The following WWOX variants were observed in gnomAD, a reference collection of about 807,000 sequenced individuals.
WWOX encodes WW domain-containing oxidoreductase.
Under a neutral mutation model 46.2 loss-of-function variants are expected in WWOX, and 69 were observed. That is an observed-to-expected ratio of 1.49 (90% confidence interval 1.23 to 1.82). The LOEUF (loss-of-function observed/expected upper bound fraction) is 1.82, where lower values mean the gene tolerates loss of function less well. WWOX is among the 40% of genes most tolerant of loss of function. WWOX has a pLI of 0.00. For missense variants in WWOX, 919 were observed against 542.6 expected, an observed-to-expected ratio of 1.69 and a Z score of -6.89; for synonymous variants, 359 against 202.6, an observed-to-expected ratio of 1.77 and a Z score of -6.56.
rs962060179 is a variant in WWOX at position 78,565,257 on chromosome 16, A to C, written c.1056+132505A>C. 4.0e-4 allele frequency among the ~76,000 whole-genome samples: 61 copies of C among 152,246 alleles called. 1 individual carries two copies. Among genetic ancestry groups the C allele is most frequent in the African/African-American group, 1.4e-3 (59 of 41,462 alleles). ...ACCAAAAACGTACTGGCTTTAAACAACACATGCTTATCATGTTGCAGTTCT... is the reference window on the plus strand; with the variant it reads ...ACCAAAAACGTACTGGCTTTAAACACCACATGCTTATCATGTTGCAGTTCT... On this transcript the variant is annotated intron_variant, in intron 8 of 8. Coordinates refer to ENST00000566780, the MANE Select transcript of WWOX (RefSeq NM_016373.4).
intron 5 of WWOX, among the ~76,000 whole-genome samples, chr16:78,319,661 G>C (rs1003641903): frequency 6.6e-6 from 1 of 152,136 alleles, no homozygotes; most frequent in East Asian, 1.9e-4. Flanking sequence ...GTGTCACATA[G>C]CAATGGAAAA....
intron 8 of WWOX, among the ~76,000 whole-genome samples, chr16:78,973,478 T>C (rs75594664): frequency 6.6e-6 from 1 of 152,236 alleles, no homozygotes; most frequent in Non-Finnish European, 1.5e-5. Context: ...TATCTGCTGA[T>C]TTCTTCAAAC....
At chr16:78,550,151 C>T (rs1402698211) in intron 8 of WWOX, among the ~76,000 whole-genome samples, 2 of 152,164 alleles carry the variant, frequency 1.3e-5, no homozygotes, top group East Asian at 1.9e-4. Context: ...CTTCACTAAA[C>T]CCAAATTAAT....
rs1419045896 is a variant in WWOX, at chr16:78,702,044, T to TATATAA, written c.1056+269293_1056+269294insTATAAA. Among the ~76,000 whole-genome samples the TATATAA allele has an allele frequency of 4.0e-4, 44 of 109,974 alleles. 2 individuals are homozygous for TATATAA. Among genetic ancestry groups the TATATAA allele is most frequent in the African/African-American group, 1.5e-3 (38 of 26,072 alleles). The allele number at this position is 109,974 out of a possible 152,430, so 72.1% of individuals were successfully genotyped here. Reference sequence around the variant, plus strand: ...ATATATATATATATATATATATATATAAAATAATGCAGAAGTTTTATATAT... The same window carrying TATATAA: ...ATATATATATATATATATATATATATATATAAAAAATAATGCAGAAGTTTTATATAT... On this transcript the variant is annotated intron_variant, in intron 8 of 8. Transcript: ENST00000566780.
intron 8 of WWOX, among the ~76,000 whole-genome samples, chr16:79,060,860 G>T (rs2048345938): frequency 6.6e-6 from 1 of 152,096 alleles, no homozygotes; most frequent in South Asian, 2.1e-4. Flanking sequence ...AATGAATATT[G>T]GTTAATTAAA....
At chr16:78,744,634 G>T (rs1045529238) in intron 8 of WWOX, among the ~76,000 whole-genome samples, 1 of 151,814 alleles carries the variant, frequency 6.6e-6, no homozygotes, top group African/African-American at 2.4e-5. Flanking sequence ...GTTTCACCAT[G>T]TTGGCCAGGC....
intron 8 of WWOX, among the ~76,000 whole-genome samples, chr16:79,177,315 T>A (rs2050819886): frequency 6.6e-6 from 1 of 152,198 alleles, no homozygotes; most frequent in African/African-American, 2.4e-5. Context: ...GCTCGCTTCG[T>A]TTCGGAGGAA....
intron 5 of WWOX, among the ~76,000 whole-genome samples, chr16:78,211,867 G>A (rs1161920633): frequency 6.6e-6 from 1 of 152,128 alleles, no homozygotes; most frequent in Non-Finnish European, 1.5e-5. Flanking sequence ...TGGAAAGAAC[G>A]AGGTTCAAAT....
At chr16:78,788,305 G>A (rs1273358705) in intron 8 of WWOX, among the ~76,000 whole-genome samples, 2 of 151,450 alleles carry the variant, frequency 1.3e-5, no homozygotes, top group Admixed American at 1.3e-4. Flanking sequence ...CCTTGTTGCA[G>A]TCTATTGTTA....
intron 8 of WWOX, among the ~76,000 whole-genome samples, chr16:79,189,863 T>A (rs1466850196): frequency 6.9e-6 from 1 of 144,734 alleles, no homozygotes; most frequent in Non-Finnish European, 1.5e-5. Context: ...GTAGGTAGTT[T>A]AACTCCTTAA....
intron 8 of WWOX, among the ~76,000 whole-genome samples, chr16:78,659,705 G>A (rs1430104492): frequency 1.3e-5 from 2 of 152,032 alleles, no homozygotes; most frequent in African/African-American, 2.4e-5. Context: ...CATTTTACCA[G>A]TGCCCAAAAG....
At chr16:78,482,231 C>G (rs766804278) in intron 8 of WWOX, among the ~76,000 whole-genome samples, 16 of 152,042 alleles carry the variant, frequency 1.1e-4, no homozygotes, top group Non-Finnish European at 1.6e-4. Flanking sequence ...CAAATAACTC[C>G]ATAATTTTTT....
At chr16:78,368,259 A>G (rs190449854) in intron 5 of WWOX, among the ~76,000 whole-genome samples, 3 of 152,332 alleles carry the variant, frequency 2.0e-5, no homozygotes, top group Admixed American at 1.3e-4. Flanking sequence ...GATTTTCTAA[A>G]TTTATATGGA....
At position 78,185,299 on chromosome 16, in the gene WWOX, A is replaced by G. The variant is rs1669891658; in HGVS notation, c.516+21010A>G. 4.6e-5 allele frequency among the ~76,000 whole-genome samples: 7 copies of G among 152,206 alleles called. No individual in the cohort carries two copies. In the South Asian group the frequency reaches 1.4e-3, roughly 31 times the overall value. ...TCTATTTTTAATGCAACATGGAATC[A>G]GAAGAATATAGAACAGGCGTCAAAG... On this transcript the variant is annotated intron_variant, in intron 5 of 8. Transcript: ENST00000566780.
intron 8 of WWOX, among the ~76,000 whole-genome samples, chr16:79,094,130 A>T (rs139633486): frequency 7.8e-4 from 118 of 152,160 alleles, no homozygotes; most frequent in African/African-American, 2.8e-3. Flanking sequence ...CAGAAATACA[A>T]TTCCTCATTT....
chr16:78,636,391 G>C (rs893040701), intron 8 of WWOX, among the ~76,000 whole-genome samples: 1 of 152,158 alleles, frequency 6.6e-6, no homozygotes, highest in African/African-American at 2.4e-5. Flanking sequence ...CAGACTTTCA[G>C]TGTTAAAGGA....
At chr16:78,708,511 C>A (rs1446429909) in intron 8 of WWOX, among the ~76,000 whole-genome samples, 1 of 152,196 alleles carries the variant, frequency 6.6e-6, no homozygotes, top group Admixed American at 6.5e-5. Context: ...CGTTTACCAT[C>A]TGCTGAAAGC....
intron 5 of WWOX, among the ~76,000 whole-genome samples, chr16:78,208,256 G>C (rs541697100): frequency 6.6e-6 from 1 of 152,288 alleles, no homozygotes; most frequent in South Asian, 2.1e-4. Flanking sequence ...AGCTGTCTTT[G>C]ATAACAATGT....
Position 79,133,821 on chromosome 16 carries a change from T to C in WWOX, c.1057-77787T>C, listed in dbSNP as rs113105042. On this transcript the variant is annotated intron_variant, in intron 8 of 8. Coordinates refer to ENST00000566780, the MANE Select transcript of WWOX (RefSeq NM_016373.4). ...AAATGCAGGATGTAATGAAATGACA[T>C]TGGTCAATCCTCAGTAAATGTTTTT... Among the ~76,000 whole-genome samples, 544 of 152,336 alleles carry C rather than the reference T, an allele frequency of 3.6e-3. 1 individual carries two copies. Among genetic ancestry groups the C allele is most frequent in the Admixed American group, 3.6e-3 (55 of 15,298 alleles).
Sources: gnomAD v4.1 joint callset for allele counts (sites outside exome capture counted in the v4.1 genomes callset) on GRCh38, gnomAD v4.1.1 for gene constraint, MANE v1.5 for transcripts, NCBI Gene and HGNC (gene_info 2026-07-23, HGNC 2026-07-21) for gene names.